MTMR9: variants seen among roughly 807,000 people sequenced by gnomAD.
The protein encoded by MTMR9 is myotubularin related protein 9, also known as myotubularin-related protein 9.
Under a neutral mutation model 69.5 loss-of-function variants are expected in MTMR9, and 39 were observed. That is an observed-to-expected ratio of 0.56 (90% confidence interval 0.43 to 0.73). MTMR9 has a LOEUF of 0.73. Among genes scored for constraint, MTMR9 ranks in the 30% least tolerant of loss-of-function variants. The probability of loss-of-function intolerance (pLI) is 0.00; values close to 1 mark genes in which losing one functional copy is unlikely to be tolerated. For missense variants in MTMR9, 900 were observed against 671.2 expected, an observed-to-expected ratio of 1.34 and a Z score of -3.77; for synonymous variants, 354 against 240.8, an observed-to-expected ratio of 1.47 and a Z score of -4.35.
chr8:11,326,192 TGTA>T lies in MTMR9; in HGVS notation c.*3407_*3409del. ...AAGATCTGCTTCAAGGCATAACTCG[TGTA>T]GTTGTCTGGTTTCAGGGATAGCTGT... On this transcript the variant is annotated 3_prime_UTR_variant, in exon 10 of 10. Transcript: ENST00000221086. 1 of 152,322 alleles carries T rather than the reference TGTA, an allele frequency of 6.6e-6. No homozygotes were observed. The highest frequency in any genetic ancestry group is 1.9e-4 in the East Asian group (1 of 5,192). 9.4% of individuals were successfully genotyped at this position (152,322 alleles called of 1,614,324 possible).
intron 2 of MTMR9, among the ~76,000 whole-genome samples, chr8:11,299,600 A>T (rs1799680357): frequency 6.6e-6 from 1 of 152,160 alleles, no homozygotes; most frequent in Admixed American, 6.5e-5. Flanking sequence ...ACCCACCCTG[A>T]TTTCAAATAA....
intron 4 of MTMR9, 67 bp downstream of exon 4, chr8:11,305,081 T>A: frequency 1.3e-6 from 2 of 1,481,812 alleles, no homozygotes; most frequent in Non-Finnish European, 1.9e-6. Flanking sequence ...CGTAGAAATG[T>A]TCCCTTTTGC....
At chr8:11,306,060 A>G (rs1263537088) in intron 4 of MTMR9, 130 bp from the exon 5 acceptor site, 4 of 706,038 alleles carry the variant, frequency 5.7e-6, no homozygotes, top group African/African-American at 1.8e-5. Flanking sequence ...TTCTTTGTTT[A>G]TGGATCAAAT....
At chr8:11,331,411 G>T, downstream of MTMR9, 1 of 1,613,946 alleles carries the variant, frequency 6.2e-7, no homozygotes, top group Non-Finnish European at 8.5e-7. Flanking sequence ...GACATCCGAG[G>T]CTGGGCCTGC....
rs1306130136 is a variant in MTMR9, at chr8:11,322,606, C to A, written c.1487-19C>A. On this transcript the variant is annotated intron_variant, in intron 9 of 9. Coordinates refer to ENST00000221086, the MANE Select transcript of MTMR9 (RefSeq NM_015458.4). ...TATATACCTTTCTTGCTTCTGTTTT[C>A]CATTCCTGGATTCAATAGGTATTTT... 2.5e-6 allele frequency: 4 copies of A among 1,609,534 alleles called. No homozygotes were observed. The South Asian group carries it at 4.4e-5, about 18-fold the overall frequency.
Position 11,324,924 on chromosome 8 carries a change from G to C in MTMR9, c.*2136G>C, listed in dbSNP as rs1433433602. On this transcript the variant is annotated 3_prime_UTR_variant, in exon 10 of 10. Transcript: ENST00000221086. ...GATCGGCCATAGGGCTTCCATGGGT[G>C]GAAACTTGTGAGGGAGTTTGTATTA... 3.3e-5 allele frequency: 5 copies of C among 152,230 alleles called. No individual in the cohort carries two copies. The highest frequency in any genetic ancestry group is 9.6e-5 in the African/African-American group (4 of 41,452). The allele number at this position is 152,230 out of a possible 1,614,324, so 9.4% of individuals were successfully genotyped here.
chr8:11,330,725 C>T (rs1021357149), downstream of MTMR9, among the ~76,000 whole-genome samples: 31 of 152,002 alleles, frequency 2.0e-4, no homozygotes, highest in African/African-American at 5.1e-4. Flanking sequence ...ACAGCATGCT[C>T]GTTAAGAGTC....
the MTMR9 span, among the ~76,000 whole-genome samples, chr8:11,334,856 G>C: frequency 6.6e-6 from 1 of 152,186 alleles, no homozygotes; most frequent in Non-Finnish European, 1.5e-5. Flanking sequence ...GGTCATATCA[G>C]TAAATGCAGA....
chr8:11,338,131 C>T, the MTMR9 span, among the ~76,000 whole-genome samples: 3 of 152,182 alleles, frequency 2.0e-5, no homozygotes, highest in Non-Finnish European at 2.9e-5. Context: ...CAGAATTTAG[C>T]GTCCTGGCAA....
chr8:11,303,071 A>C (rs1330865150), intron 3 of MTMR9, among the ~76,000 whole-genome samples: 1 of 151,508 alleles, frequency 6.6e-6, no homozygotes, highest in Non-Finnish European at 1.5e-5. Flanking sequence ...AATCTTAATA[A>C]AAACCCCAGT....
chr8:11,338,916 T>C, the MTMR9 span, among the ~76,000 whole-genome samples: 1 of 151,974 alleles, frequency 6.6e-6, no homozygotes, highest in East Asian at 1.9e-4. Flanking sequence ...AAGAAGGGAG[T>C]CCATAGCTCT....
chr8:11,306,367 C>G lies in MTMR9; in HGVS notation c.769C>G (p.His257Asp). The change falls in exon 5 of 10, where the codon CAT becomes GAT. Residue 257 changes from histidine (H) to aspartate (D), a missense_variant. Physicochemically the swap from His to Asp is moderately conservative, Grantham distance 81. Transcript: ENST00000221086. ...AGGAGGTGGCTTTGAACAAGAAGCTCATTATCCTCAGTGGAGGCGAATTCA... is the reference window on the plus strand; with the variant it reads ...AGGAGGTGGCTTTGAACAAGAAGCTGATTATCCTCAGTGGAGGCGAATTCA... ...AKGGGFEQEA[H>D]YPQWRRIHKS... 1 of 1,614,012 alleles carries G rather than the reference C, an allele frequency of 6.2e-7. No homozygotes were observed. Among genetic ancestry groups the G allele is most frequent in the Non-Finnish European group, 8.5e-7 (1 of 1,179,944 alleles).
In MTMR9 at chr8:11,316,844, G is replaced by T. The variant is rs780866136; in HGVS notation, c.1285G>T (p.Ala429Ser). The change falls in exon 8 of 10, where the codon GCT (alanine) becomes TCT (serine). Residue 429 changes from alanine to serine, a missense_variant. Transcript: ENST00000221086. ...ENFLIMLFEH[A>S]YASQFGTFLG... is the part of the protein sequence containing the mutation. ...TTTCCTCATCATGCTCTTTGAGCAT[G>T]CTTATGCCTCACAGTTTGGAACATT... The T allele has an allele frequency of 6.2e-7, 1 of 1,613,042 alleles. No homozygotes were observed. Among genetic ancestry groups the T allele is most frequent in the Admixed American group, 1.7e-5 (1 of 59,892 alleles).
At chr8:11,287,581 G>T (rs534762132) in intron 1 of MTMR9, among the ~76,000 whole-genome samples, 2 of 150,912 alleles carry the variant, frequency 1.3e-5, no homozygotes, top group African/African-American at 4.9e-5. Context: ...GAGCTGTGCG[G>T]CTGCAGTGGT....
At position 11,304,888 on chromosome 8, in the gene MTMR9, T is replaced by C; in HGVS notation, c.465T>C (p.Cys155=). ...LSYVNKEFAV[C]PSYPPIVTVP... is the part of the protein sequence containing the mutation. ...ATGTCAATAAGGAATTTGCTGTCTG[T>C]CCCTCTTACCCACCAATTGTCACAG... The change falls in exon 4 of 10, where the codon TGT becomes TGC. Residue 155 remains cysteine, a synonymous_variant. Coordinates refer to ENST00000221086, the MANE Select transcript of MTMR9 (RefSeq NM_015458.4). 1 of 1,614,126 alleles carries C rather than the reference T, an allele frequency of 6.2e-7. No individual in the cohort carries two copies. Among genetic ancestry groups the C allele is most frequent in the Non-Finnish European group, 8.5e-7 (1 of 1,179,970 alleles).
At chr8:11,311,857 C>G (rs915827205) in intron 6 of MTMR9, among the ~76,000 whole-genome samples, 5 of 151,334 alleles carry the variant, frequency 3.3e-5, no homozygotes, top group Non-Finnish European at 7.4e-5. Flanking sequence ...GCTTTATCAC[C>G]TAAGTTGATG....
In MTMR9 at chr8:11,316,887, G is replaced by A; in HGVS notation, c.1328G>A (p.Ser443Asn). 2 of 1,595,400 alleles carry A rather than the reference G, an allele frequency of 1.3e-6. No homozygotes were observed. Among genetic ancestry groups the A allele is most frequent in the Non-Finnish European group, 1.7e-6 (2 of 1,171,100 alleles). The change falls in exon 8 of 10, where the codon AGT becomes AAT. Residue 443 changes from serine to asparagine, a missense_variant. Ser to Asn is a conservative substitution (Grantham distance 46). Transcript: ENST00000221086. The stretch of plus-strand genomic sequence containing the variant: ...GGAACATTTCTGGGCAACAATGAAA[G>A]TGAAAGGTGAGTACACTGCTCACAT... ...QFGTFLGNNESERCKLKLQQK... is the reference protein window; with the variant it reads ...QFGTFLGNNENERCKLKLQQK...
At chr8:11,313,400 G>C (rs1400793779) in intron 6 of MTMR9, among the ~76,000 whole-genome samples, 1 of 152,116 alleles carries the variant, frequency 6.6e-6, no homozygotes, top group Non-Finnish European at 1.5e-5. Flanking sequence ...TTATGTGTTC[G>C]CTGGAGAAGC....
chr8:11,317,118 TA>T, intron 8 of MTMR9: 1 of 339,786 alleles, frequency 2.9e-6, no homozygotes, highest in South Asian at 1.3e-4. Context: ...ATACGTGAAT[TA>T]AGGGGCAACC....
Sources: allele counts gnomAD v4.1 joint callset (sites outside exome capture counted in the v4.1 genomes callset), GRCh38; gene constraint gnomAD v4.1.1; transcripts MANE v1.5; gene names NCBI Gene and HGNC (gene_info 2026-07-23, HGNC 2026-07-21).